Variants in SPRR2G observed in about 807,000 individuals in gnomAD.
SPRR2G encodes small proline-rich protein 2G.
Under a neutral mutation model 0.7 loss-of-function variants are expected in SPRR2G, and 1 was observed. The ratio of observed to expected loss-of-function variants is 1.49; its 90% CI spans 0.53 to 7.06. The LOEUF (loss-of-function observed/expected upper bound fraction) is 7.06. SPRR2G is among the 30% of genes most tolerant of loss of function. SPRR2G has a pLI of 0.14. For synonymous variants in SPRR2G, 38 were observed against 33.9 expected, an observed-to-expected ratio of 1.12 and a Z score of -0.42; for missense variants, 96 against 88.5, an observed-to-expected ratio of 1.09 and a Z score of -0.34.
At chr1:153,195,100 C>T in the SPRR2G span, among the ~76,000 whole-genome samples, 1 of 152,190 alleles carries the variant, frequency 6.6e-6, no homozygotes, top group African/African-American at 2.4e-5. Context: ...CCAAGCCCTG[C>T]TCTGTACCCC....
At chr1:153,168,482 C>T in the SPRR2G span, among the ~76,000 whole-genome samples, 5 of 152,156 alleles carry the variant, frequency 3.3e-5, no homozygotes, top group African/African-American at 7.2e-5. Context: ...GCATTTATAA[C>T]AATCTGGTTT....
the SPRR2G span, among the ~76,000 whole-genome samples, chr1:153,164,213 T>C: frequency 5.3e-5 from 8 of 152,288 alleles, no homozygotes; most frequent in East Asian, 1.5e-3. Flanking sequence ...AGAACAATGA[T>C]GGAGATTATC....
chr1:153,194,516 C>T, the SPRR2G span, among the ~76,000 whole-genome samples: 8 of 152,266 alleles, frequency 5.3e-5, no homozygotes, highest in South Asian at 4.1e-4. Context: ...ACGTGCTGCT[C>T]CCACTCTCTG....
the SPRR2G span, among the ~76,000 whole-genome samples, chr1:153,182,060 C>T: frequency 2.0e-5 from 3 of 152,122 alleles, no homozygotes; most frequent in East Asian, 1.9e-4. Flanking sequence ...GAATTCTCTG[C>T]ATCCTCTCAA....
At chr1:153,201,274 T>A in the SPRR2G span, among the ~76,000 whole-genome samples, 2 of 151,952 alleles carry the variant, frequency 1.3e-5, no homozygotes, top group Non-Finnish European at 2.9e-5. Flanking sequence ...CAGAGGAAGG[T>A]TTTAAAGACT....
At chr1:153,191,952 G>A in the SPRR2G span, among the ~76,000 whole-genome samples, 27 of 152,262 alleles carry the variant, frequency 1.8e-4, 1 homozygote, top group Middle Eastern at 0.027. Flanking sequence ...ATTGAGTTCT[G>A]TACCATTATT....
chr1:153,178,448 G>T, the SPRR2G span, among the ~76,000 whole-genome samples: 1 of 152,098 alleles, frequency 6.6e-6, no homozygotes, highest in Non-Finnish European at 1.5e-5. Flanking sequence ...GTTAGCCAAG[G>T]CTTTTCATAG....
chr1:153,171,916 C>T, the SPRR2G span, among the ~76,000 whole-genome samples: 3 of 152,296 alleles, frequency 2.0e-5, no homozygotes, highest in East Asian at 1.9e-4. Flanking sequence ...CCATGCCCCC[C>T]GAATCCCCAG....
the SPRR2G span, among the ~76,000 whole-genome samples, chr1:153,163,688 C>T: frequency 0.022 from 3,351 of 152,242 alleles, 111 homozygotes; most frequent in East Asian, 0.1. Context: ...CCTCTGACTG[C>T]TCTCTTCCTT....
chr1:153,160,312 A>G, the SPRR2G span, among the ~76,000 whole-genome samples: 1 of 152,208 alleles, frequency 6.6e-6, no homozygotes, highest in South Asian at 2.1e-4. Context: ...TCATCTGCTC[A>G]TAGACATTTA....
At chr1:153,187,368 T>G in the SPRR2G span, among the ~76,000 whole-genome samples, 1 of 152,168 alleles carries the variant, frequency 6.6e-6, no homozygotes, top group African/African-American at 2.4e-5. Flanking sequence ...TTTCACATAG[T>G]CCCATATTTC....
At chr1:153,193,531 T>A in the SPRR2G span, among the ~76,000 whole-genome samples, 1 of 152,192 alleles carries the variant, frequency 6.6e-6, no homozygotes, top group African/African-American at 2.4e-5. Context: ...AGAGGCTCAA[T>A]GACTTTAAAC....
the SPRR2G span, among the ~76,000 whole-genome samples, chr1:153,160,254 G>A: frequency 6.6e-6 from 1 of 151,948 alleles, no homozygotes; most frequent in East Asian, 1.9e-4. Flanking sequence ...CTTTTCTAAG[G>A]TTCAATAATA....
At chr1:153,177,563 T>C in the SPRR2G span, among the ~76,000 whole-genome samples, 5 of 152,078 alleles carry the variant, frequency 3.3e-5, no homozygotes, top group Non-Finnish European at 7.4e-5. Flanking sequence ...TGATATCTTA[T>C]GGGGCTTTTT....
At chr1:153,170,392 A>G in the SPRR2G span, among the ~76,000 whole-genome samples, 1 of 152,330 alleles carries the variant, frequency 6.6e-6, no homozygotes, top group South Asian at 2.1e-4. Context: ...AATAAAGTAA[A>G]TATAAATTTT....
At chr1:153,190,769 A>G in the SPRR2G span, 23 of 152,326 alleles carry the variant, frequency 1.5e-4, no homozygotes, top group Non-Finnish European at 2.9e-4. Context: ...GATGAAGACA[A>G]TCACATTGTC....
chr1:153,153,514 A>G (rs1023258392), upstream of SPRR2G, among the ~76,000 whole-genome samples: 13 of 152,186 alleles, frequency 8.5e-5, no homozygotes, highest in African/African-American at 2.9e-4. Flanking sequence ...AACCGTGTAA[A>G]GCTGGGAATT....
At chr1:153,171,698 C>T in the SPRR2G span, among the ~76,000 whole-genome samples, 2 of 152,206 alleles carry the variant, frequency 1.3e-5, no homozygotes, top group African/African-American at 4.8e-5. Context: ...CTCAACTTCA[C>T]AGCTGCCAAC....
At chr1:153,173,842 G>T in the SPRR2G span, among the ~76,000 whole-genome samples, 2 of 152,054 alleles carry the variant, frequency 1.3e-5, no homozygotes, top group African/African-American at 4.8e-5. Flanking sequence ...TTTATGCCTT[G>T]GTTCTTCCCC....
Sources: allele counts gnomAD v4.1 joint callset (sites outside exome capture counted in the v4.1 genomes callset), GRCh38; gene constraint gnomAD v4.1.1; transcripts MANE v1.5; gene names NCBI Gene and HGNC (gene_info 2026-07-23, HGNC 2026-07-21).